Variants in DNAH3 observed in about 807,000 individuals in gnomAD.
DNAH3 encodes the protein axonemal beta dynein heavy chain 3.
DNAH3 carries 332 observed loss-of-function variants against 432.5 expected under a neutral mutation model. That is an observed-to-expected ratio of 0.77 (90% confidence interval 0.70 to 0.84). The LOEUF (loss-of-function observed/expected upper bound fraction) is 0.84. Ranked by LOEUF, DNAH3 falls within the 40% of genes least tolerant of loss-of-function variation. The pLI, the probability that DNAH3 is intolerant of heterozygous loss-of-function variation, is 0.00. For synonymous variants in DNAH3, 1,956 were observed against 1,900.2 expected (o/e 1.03, Z -0.76); for missense variants, 4,861 against 5,114.0 (o/e 0.95, Z 1.51).
Position 20,975,427 on chromosome 16 carries a change from AGAGGTGG to A in DNAH3, c.8077-19_8077-13del. 1 of 1,608,818 alleles carries A rather than the reference AGAGGTGG, an allele frequency of 6.2e-7. No individual in the cohort carries two copies. Among genetic ancestry groups the A allele is most frequent in the Non-Finnish European group, 8.5e-7 (1 of 1,177,490 alleles). On this transcript the variant is annotated splice_polypyrimidine_tract_variant and intron_variant, in intron 50 of 61. Coordinates refer to ENST00000261383, the Ensembl canonical transcript of DNAH3. ...TGCATAACCGCTACCTAGCAAGGAG[AGAGGTGG>A]GAGAAATCCAGGGTCAGCACTGAAA...
intron 25 of DNAH3, among the ~76,000 whole-genome samples, 166 bp from the exon 26 acceptor site, chr16:21,060,522 T>C (rs1220587913): frequency 4.1e-5 from 5 of 121,030 alleles, no homozygotes; most frequent in Middle Eastern, 7.6e-3. Context: ...TTCTTTTTTT[T>C]TTTCTTTTTT....
chr16:20,990,763 T>G (rs1161499802), intron 44 of DNAH3, among the ~76,000 whole-genome samples: 1 of 152,144 alleles, frequency 6.6e-6, no homozygotes, highest in Non-Finnish European at 1.5e-5. Context: ...GGCTCACTCC[T>G]GTAATCCCAG....
At chr16:21,148,547 G>A (rs1239019859) in intron 1 of DNAH3, among the ~76,000 whole-genome samples, 1 of 151,844 alleles carries the variant, frequency 6.6e-6, no homozygotes, top group Non-Finnish European at 1.5e-5. Flanking sequence ...AGGTTCGAGC[G>A]ATTCTCCTGC....
exon 12 of DNAH3, chr16:21,117,256 A>T: frequency 5.6e-6 from 9 of 1,611,396 alleles, no homozygotes; most frequent in Non-Finnish European, 7.6e-6. Flanking sequence ...GAATCAAAAA[A>T]TCAGAAACAA....
chr16:20,946,096 G>A (rs757600551), intron 57 of DNAH3, among the ~76,000 whole-genome samples: 17 of 152,120 alleles, frequency 1.1e-4, no homozygotes, highest in African/African-American at 3.4e-4. Context: ...AGGCCATGAC[G>A]GGAAGTGGGG....
At chr16:21,073,204 G>A (rs1488579520) in intron 21 of DNAH3, among the ~76,000 whole-genome samples, 3 of 152,170 alleles carry the variant, frequency 2.0e-5, no homozygotes, top group African/African-American at 7.2e-5. Context: ...TGTTTTACCA[G>A]TAGCTCAGCA....
At chr16:21,152,916 C>G (rs1384148428) in intron 1 of DNAH3, among the ~76,000 whole-genome samples, 2 of 152,244 alleles carry the variant, frequency 1.3e-5, no homozygotes, top group South Asian at 2.1e-4. Flanking sequence ...CGAGCCTCCC[C>G]GACGAGCGCC....
intron 59 of DNAH3, 65 bp from the exon 60 acceptor site, chr16:20,936,918 G>A (rs1446131492): frequency 7.6e-7 from 1 of 1,317,958 alleles, no homozygotes; most frequent in Admixed American, 2.0e-5. Flanking sequence ...CAAGTCCACT[G>A]ACTGCTGTCC....
intron 37 of DNAH3, among the ~76,000 whole-genome samples, chr16:21,027,751 A>T (rs1466349992): frequency 6.6e-6 from 1 of 152,256 alleles, no homozygotes; most frequent in Admixed American, 6.5e-5. Flanking sequence ...TGCAATTTTA[A>T]TAGGAAAGCC....
At chr16:20,990,806 G>A (rs993385867) in intron 44 of DNAH3, among the ~76,000 whole-genome samples, 3 of 152,180 alleles carry the variant, frequency 2.0e-5, no homozygotes, top group Admixed American at 2.0e-4. Flanking sequence ...CAGATCACGA[G>A]GTCAAGAGAT....
chr16:20,975,273 T>G, exon 51 of DNAH3: 1 of 1,614,082 alleles, frequency 6.2e-7, no homozygotes, highest in Non-Finnish European at 8.5e-7. Context: ...ATTGGCTTCT[T>G]TTTCATCTGC....
intron 1 of DNAH3, among the ~76,000 whole-genome samples, chr16:21,153,718 C>G (rs1426587856): frequency 6.6e-6 from 1 of 152,126 alleles, no homozygotes; most frequent in African/African-American, 2.4e-5. Flanking sequence ...ATCCGAGCAT[C>G]AGAAGGAACA....
intron 14 of DNAH3, among the ~76,000 whole-genome samples, chr16:21,110,739 T>C (rs1242802097): frequency 2.6e-5 from 4 of 152,122 alleles, no homozygotes; most frequent in Non-Finnish European, 5.9e-5. Flanking sequence ...ACATGGTGGC[T>C]CACACCTGTA....
At chr16:21,021,933 A>T in intron 40 of DNAH3, 38 bp downstream of exon 40, 1 of 1,608,942 alleles carries the variant, frequency 6.2e-7, no homozygotes, top group East Asian at 2.2e-5. Flanking sequence ...AGGTAGACCC[A>T]CCCCCCATGT....
chr16:21,074,662 C>G (rs146996994), intron 21 of DNAH3, among the ~76,000 whole-genome samples: 1 of 151,970 alleles, frequency 6.6e-6, no homozygotes, highest in South Asian at 2.1e-4. Flanking sequence ...TGCAGTGATC[C>G]GAGATCACGC....
At chr16:20,974,534 G>A (rs2085485666) in intron 51 of DNAH3, among the ~76,000 whole-genome samples, 1 of 149,786 alleles carries the variant, frequency 6.7e-6, no homozygotes, top group Admixed American at 6.7e-5. Flanking sequence ...CTCCTGAGTA[G>A]CTGGGACTAC....
intron 26 of DNAH3, among the ~76,000 whole-genome samples, chr16:21,058,737 A>T (rs190442808): frequency 1.6e-3 from 251 of 152,276 alleles, no homozygotes; most frequent in Middle Eastern, 6.8e-3. Flanking sequence ...TAACACGGGA[A>T]CAGAAAACCA....
At chr16:21,045,557 TTCTC>T (rs1184974396) in intron 31 of DNAH3, among the ~76,000 whole-genome samples, 18 of 149,270 alleles carry the variant, frequency 1.2e-4, no homozygotes, top group African/African-American at 1.7e-4. Context: ...TATTTGATTC[TTCTC>T]TCTTTTTTTC....
At chr16:20,959,258 G>A in exon 54 of DNAH3, 1 of 1,614,224 alleles carries the variant, frequency 6.2e-7, no homozygotes, top group Non-Finnish European at 8.5e-7. Flanking sequence ...CTTGCGGCCA[G>A]GTGGCAGTTC....
Sources: allele counts gnomAD v4.1 joint callset (sites outside exome capture counted in the v4.1 genomes callset), GRCh38; gene constraint gnomAD v4.1.1; transcripts MANE v1.5; gene names NCBI Gene and HGNC (gene_info 2026-07-23, HGNC 2026-07-21).